Variants in WIPF2 observed in about 807,000 individuals in gnomAD.
WIPF2 encodes the protein WAS/WASL interacting protein family member 2, also known as WAS/WASL-interacting protein family member 2.
A neutral mutation model predicts 38.8 loss-of-function variants in WIPF2; 23 were observed. The ratio of observed to expected loss-of-function variants is 0.59; its 90% confidence interval spans 0.43 to 0.84. The LOEUF is 0.84. Ranked by LOEUF, WIPF2 falls within the 40% of genes least tolerant of loss-of-function variation. WIPF2 has a pLI of 0.00. For missense variants in WIPF2, 574 were observed against 580.5 expected, an observed-to-expected ratio of 0.99 and a Z score of 0.11; for synonymous variants, 210 against 223.2, an observed-to-expected ratio of 0.94 and a Z score of 0.53.
rs553600028 is a variant in WIPF2 at position 40,255,753 on chromosome 17, C to T, written c.-69-638C>T. Among the ~76,000 whole-genome samples, 4 of 151,920 alleles carry T rather than the reference C, an allele frequency of 2.6e-5. No individual in the cohort carries two copies. In the South Asian group the frequency reaches 6.2e-4, roughly 24 times the overall value. ...ACGCCATTCTCCTGCCTCAGCCTCC[C>T]GAGTAGCTGGGACTGCAGGCGCCCA... On this transcript the variant is annotated intron_variant, in intron 1 of 7. Coordinates refer to ENST00000323571, the MANE Select transcript of WIPF2 (RefSeq NM_133264.5).
intron 1 of WIPF2, among the ~76,000 whole-genome samples, chr17:40,252,958 T>C (rs1207064340): frequency 6.6e-6 from 1 of 151,646 alleles, no homozygotes; most frequent in Non-Finnish European, 1.5e-5. Flanking sequence ...AGAGATGGGG[T>C]TTCTTCCATG....
At position 40,257,368 on chromosome 17, in the gene WIPF2, C is replaced by T. The variant is rs185405330; in HGVS notation, c.63+846C>T. ...TTAAAGCCAAGTCCATCAAGTTGAA[C>T]ACCTTATCAAGAAGGAAAGGAGTTT... On this transcript the variant is annotated intron_variant, in intron 2 of 7. Coordinates refer to ENST00000323571, the MANE Select transcript of WIPF2 (RefSeq NM_133264.5). Among the ~76,000 whole-genome samples the T allele has an allele frequency of 2.2e-3, 328 of 152,174 alleles. 2 individuals carry two copies. The highest frequency in any genetic ancestry group is 3.4e-3 in the Middle Eastern group (1 of 294).
At chr17:40,251,277 A>T (rs1481760916) in intron 1 of WIPF2, among the ~76,000 whole-genome samples, 1 of 151,884 alleles carries the variant, frequency 6.6e-6, no homozygotes, top group Admixed American at 6.6e-5. Flanking sequence ...CCTTTGATTA[A>T]TCACAGTTGG....
At chr17:40,242,396 T>A (rs2031219204) in intron 1 of WIPF2, among the ~76,000 whole-genome samples, 1 of 151,796 alleles carries the variant, frequency 6.6e-6, no homozygotes, top group Non-Finnish European at 1.5e-5. Context: ...AACCAAGAAA[T>A]TTTTTGTTGT....
At chr17:40,236,405 C>T (rs1007764577) in intron 1 of WIPF2, among the ~76,000 whole-genome samples, 3 of 151,856 alleles carry the variant, frequency 2.0e-5, no homozygotes, top group Admixed American at 6.6e-5. Context: ...GTGGTGCAAT[C>T]TTGGCTCACT....
chr17:40,229,437 G>A (rs749057919), intron 1 of WIPF2, among the ~76,000 whole-genome samples: 16 of 146,458 alleles, frequency 1.1e-4, no homozygotes, highest in Admixed American at 2.7e-4. Flanking sequence ...TTATTTATTT[G>A]TTTTAGACAG....
intron 1 of WIPF2, among the ~76,000 whole-genome samples, chr17:40,248,539 G>A (rs185681513): frequency 6.6e-4 from 101 of 152,288 alleles, no homozygotes; most frequent in Non-Finnish European, 1.2e-3. Flanking sequence ...AAGCACATTC[G>A]ATCCTTCTGC....
At position 40,278,833 on chromosome 17, in the gene WIPF2, A is replaced by G. The variant is rs1260344650; in HGVS notation, c.*608A>G. The G allele has an allele frequency of 4.0e-5, 6 of 150,464 alleles. No individual in the cohort carries two copies. The Admixed American group carries it at 4.0e-4, about 10-fold the overall frequency. 9.3% of individuals were successfully genotyped at this position (150,464 alleles called of 1,614,324 possible). On this transcript the variant is annotated 3_prime_UTR_variant, in exon 8 of 8. Transcript: ENST00000323571. Reference sequence around the variant, plus strand: ...CCCCCCACCCCACCACCCCAGGGATAAATTGGATATAAACACTAAATACTA... The same window carrying G: ...CCCCCCACCCCACCACCCCAGGGATGAATTGGATATAAACACTAAATACTA...
intron 1 of WIPF2, among the ~76,000 whole-genome samples, chr17:40,251,338 A>ATTT (rs199868665): frequency 7.1e-6 from 1 of 140,264 alleles, no homozygotes; most frequent in African/African-American, 2.6e-5. Flanking sequence ...GTTTTGGTTC[A>ATTT]TTTTTTTTTT....
intron 4 of WIPF2, among the ~76,000 whole-genome samples, chr17:40,263,311 C>T (rs952809806): frequency 2.6e-5 from 4 of 151,880 alleles, no homozygotes; most frequent in Admixed American, 1.3e-4. Context: ...CTCACATGCA[C>T]GGTTCACAAT....
chr17:40,256,311 C>T (rs1214592076), intron 1 of WIPF2, 80 bp from the exon 2 acceptor site: 8 of 1,154,754 alleles, frequency 6.9e-6, no homozygotes, highest in Non-Finnish European at 9.7e-6. Context: ...TTTTGATTAC[C>T]ATGCCCAGTT....
In WIPF2 at chr17:40,278,378, C is replaced by G. The variant is rs1029488931; in HGVS notation, c.*153C>G. On this transcript the variant is annotated 3_prime_UTR_variant, in exon 8 of 8. Transcript: ENST00000323571. ...CTCCAAATGTCCTCCCAGCTCACCT[C>G]CATCTATGCATCTCATCTCTGGATT... 7.4e-6 allele frequency: 6 copies of G among 812,642 alleles called. No individual in the cohort carries two copies. The highest frequency in any genetic ancestry group is 1.2e-5 in the Non-Finnish European group (6 of 511,324). The allele number at this position is 812,642 out of a possible 1,614,324, so 50.3% of individuals were successfully genotyped here. A position where few individuals can be genotyped will look rare whatever the true frequency, so the allele number is the denominator to read the frequency against.
At chr17:40,247,949 A>G (rs1239829223) in intron 1 of WIPF2, among the ~76,000 whole-genome samples, 3 of 152,126 alleles carry the variant, frequency 2.0e-5, no homozygotes, top group Admixed American at 1.3e-4. Context: ...TACCCATTCA[A>G]TTTTTACTTA....
intron 1 of WIPF2, chr17:40,219,940 A>G (rs1330037691): frequency 1.3e-5 from 2 of 152,612 alleles, no homozygotes; most frequent in Non-Finnish European, 2.9e-5. Flanking sequence ...CCAGTGTGAC[A>G]TTTTGGGGAT....
At chr17:40,238,175 A>G (rs185117813) in intron 1 of WIPF2, among the ~76,000 whole-genome samples, 1 of 152,052 alleles carries the variant, frequency 6.6e-6, no homozygotes, top group African/African-American at 2.4e-5. Flanking sequence ...TCTTTTTATT[A>G]TCTGAATTTT....
At chr17:40,238,339 T>C (rs1350096894) in intron 1 of WIPF2, among the ~76,000 whole-genome samples, 1 of 152,200 alleles carries the variant, frequency 6.6e-6, no homozygotes, top group Non-Finnish European at 1.5e-5. Flanking sequence ...AGTCTGGCTC[T>C]GTTGCCCAGG....
chr17:40,220,606 TA>T lies in WIPF2; in HGVS notation c.-70+1115del, dbSNP rs1567705845. The T allele has an allele frequency of 7.6e-4, 92 of 121,636 alleles. 2 individuals are homozygous for T. Among genetic ancestry groups the T allele is most frequent in the African/African-American group, 3.1e-3 (87 of 28,072 alleles). The allele number at this position is 121,636 out of a possible 1,614,324, so 7.5% of individuals were successfully genotyped here. On this transcript the variant is annotated intron_variant, in intron 1 of 7. Transcript: ENST00000323571. The stretch of plus-strand genomic sequence containing the variant: ...ATATATATATATATATATATATATA[TA>T]TATATATATATGTATATATATATAT...
chr17:40,251,746 C>T (rs992116288), intron 1 of WIPF2, among the ~76,000 whole-genome samples: 1 of 152,164 alleles, frequency 6.6e-6, no homozygotes, highest in Non-Finnish European at 1.5e-5. Flanking sequence ...CAGTTTTTCT[C>T]ATGTACATGT....
intron 4 of WIPF2, 30 bp downstream of exon 4, chr17:40,262,671 T>A: frequency 6.4e-7 from 1 of 1,562,410 alleles, no homozygotes; most frequent in Non-Finnish European, 8.8e-7. Flanking sequence ...CCAGGGTATT[T>A]CCCTGGTGTG....
Sources: gnomAD v4.1 joint callset for allele counts (sites outside exome capture counted in the v4.1 genomes callset) on GRCh38, gnomAD v4.1.1 for gene constraint, MANE v1.5 for transcripts, NCBI Gene and HGNC (gene_info 2026-07-23, HGNC 2026-07-21) for gene names.